OPHN1: variants seen among roughly 807,000 people sequenced by gnomAD.
The protein encoded by OPHN1 is oligophrenin-1.
OPHN1 carries 11 observed loss-of-function variants against 60.7 expected under a neutral mutation model. That is an observed-to-expected ratio of 0.18 (90% CI 0.11 to 0.30). The LOEUF (loss-of-function observed/expected upper bound fraction) is 0.30. Ranked by LOEUF, OPHN1 falls within the 10% of genes least tolerant of loss-of-function variation. OPHN1 has a pLI of 1.00. For synonymous variants in OPHN1, 226 were observed against 222.6 expected, an observed-to-expected ratio of 1.02 and a Z score of -0.14; for missense variants, 449 against 611.0, an observed-to-expected ratio of 0.73 and a Z score of 2.80.
At chrX:68,175,882 C>T (rs947706819) in intron 15 of OPHN1, among the ~76,000 whole-genome samples, 1 of 111,781 alleles carries the variant, frequency 8.9e-6, no homozygotes, top group African/African-American at 3.3e-5. Flanking sequence ...ACCTGCAGTC[C>T]GGTGGAATAG....
chrX:68,299,251 C>G (rs2078109393), intron 2 of OPHN1, among the ~76,000 whole-genome samples, 155 bp from the exon 3 acceptor site: 1 of 111,867 alleles, frequency 8.9e-6, no homozygotes, highest in Admixed American at 9.5e-5. Context: ...ATTAGATATG[C>G]AGTAGAAGAA....
intron 2 of OPHN1, among the ~76,000 whole-genome samples, chrX:68,313,838 A>G (rs1393036485): frequency 9.0e-6 from 1 of 111,599 alleles, no homozygotes; most frequent in Non-Finnish European, 1.9e-5. Flanking sequence ...AAAATAACTA[A>G]AAGAGTATAA....
chrX:68,348,089 G>A (rs937914083), intron 2 of OPHN1, among the ~76,000 whole-genome samples: 8 of 111,903 alleles, frequency 7.1e-5, no homozygotes, highest in Admixed American at 9.6e-5. Flanking sequence ...CCACCTATGT[G>A]TGGGGCACAT....
chrX:68,381,668 T>C (rs1182086440), intron 2 of OPHN1, among the ~76,000 whole-genome samples: 3 of 111,222 alleles, frequency 2.7e-5, no homozygotes, highest in African/African-American at 9.8e-5. Context: ...CACATTAATG[T>C]CTCCTTCTAC....
At chrX:68,147,896 A>G (rs1303295575) in intron 15 of OPHN1, among the ~76,000 whole-genome samples, 1 of 111,623 alleles carries the variant, frequency 9.0e-6, no homozygotes, top group African/African-American at 3.3e-5. Context: ...TCCTGTAATC[A>G]AGGATCTCTA....
chrX:68,298,936 A>C (rs2043217469), intron 3 of OPHN1, 65 bp downstream of exon 3: 1 of 706,142 alleles, frequency 1.4e-6, no homozygotes, highest in African/African-American at 2.1e-5. Flanking sequence ...TCCACAAATC[A>C]AAAAGACTAC....
At position 68,220,247 on chromosome X, in the gene OPHN1, T is replaced by C. The variant is rs200164086; in HGVS notation, c.487-6275A>G. On this transcript the variant is annotated intron_variant, in intron 6 of 24. Transcript: ENST00000355520. ...CTAAACCAGGAAGAAGTTGAATCTC[T>C]GAATAGACCAATAACAGGAGCTGAA... is the stretch of plus-strand genomic sequence containing the variant. Among the ~76,000 whole-genome samples, 72 of 104,285 alleles carry C rather than the reference T, an allele frequency of 6.9e-4. No individual in the cohort carries two copies. The East Asian group carries it at 0.019, about 27-fold the overall frequency. 90.6% of individuals were successfully genotyped at this position (104,285 alleles called of 115,157 possible). A position where few individuals can be genotyped will look rare whatever the true frequency, so the allele number is the denominator to read the frequency against.
chrX:68,345,147 C>T (rs1408344310), intron 2 of OPHN1, among the ~76,000 whole-genome samples: 2 of 112,218 alleles, frequency 1.8e-5, no homozygotes, highest in African/African-American at 3.2e-5. Context: ...AAGAAGCACT[C>T]GAAGTAGAAG....
chrX:68,130,088 G>T (rs1257531149), intron 15 of OPHN1, among the ~76,000 whole-genome samples: 3 of 111,413 alleles, frequency 2.7e-5, no homozygotes, highest in Admixed American at 9.5e-5. Flanking sequence ...CCTAAGTAAA[G>T]AAAATCCAAC....
chrX:68,159,707 A>G (rs2077325630), intron 15 of OPHN1, among the ~76,000 whole-genome samples: 1 of 111,805 alleles, frequency 8.9e-6, no homozygotes, highest in Non-Finnish European at 1.9e-5. Context: ...GCTCAGGAAA[A>G]TTTAACATCT....
At chrX:68,352,205 G>A (rs2078416932) in intron 2 of OPHN1, among the ~76,000 whole-genome samples, 1 of 109,712 alleles carries the variant, frequency 9.1e-6, no homozygotes, top group African/African-American at 3.3e-5. Context: ...TCCGCACCCA[G>A]AAGGTAAAAC....
At chrX:68,199,871 G>A (rs1311961249) in intron 11 of OPHN1, among the ~76,000 whole-genome samples, 1 of 112,363 alleles carries the variant, frequency 8.9e-6, no homozygotes, top group East Asian at 2.8e-4. Context: ...GTCAAGCCTG[G>A]CCAACATGGT....
intron 2 of OPHN1, among the ~76,000 whole-genome samples, chrX:68,357,597 G>A (rs770609931): frequency 1.8e-5 from 2 of 110,873 alleles, no homozygotes; most frequent in African/African-American, 6.6e-5. Flanking sequence ...ATTTTTTATG[G>A]CTGCATAGTA....
At chrX:68,182,849 T>C (rs1220898213) in intron 15 of OPHN1, among the ~76,000 whole-genome samples, 1 of 111,385 alleles carries the variant, frequency 9.0e-6, no homozygotes, top group Non-Finnish European at 1.9e-5. Context: ...GAGTCAGAGG[T>C]TGCAATGAGC....
At chrX:68,272,978 C>A (rs1042922322) in intron 5 of OPHN1, among the ~76,000 whole-genome samples, 2 of 111,918 alleles carry the variant, frequency 1.8e-5, no homozygotes, top group African/African-American at 6.5e-5. Context: ...TAATGAGACT[C>A]CAGTGAAACA....
intron 11 of OPHN1, among the ~76,000 whole-genome samples, chrX:68,200,186 T>TG (rs766134921): frequency 9.9e-4 from 109 of 110,549 alleles, no homozygotes; most frequent in South Asian, 2.3e-3. Flanking sequence ...ACTGGTAAAA[T>TG]GGGGGGGGTG....
At chrX:68,119,120 T>C (rs1419553180) in intron 16 of OPHN1, 128 bp downstream of exon 16, 14 of 503,401 alleles carry the variant, frequency 2.8e-5, no homozygotes, top group Non-Finnish European at 4.3e-5. Flanking sequence ...CCAGAAATCC[T>C]CTTCACATGT....
intron 15 of OPHN1, among the ~76,000 whole-genome samples, chrX:68,170,286 G>A (rs1486925987): frequency 2.9e-5 from 3 of 102,541 alleles, no homozygotes; most frequent in Non-Finnish European, 6.0e-5. Flanking sequence ...GAAACAACAG[G>A]TGCTGGAGAG....
At chrX:68,368,296 C>T (rs1467071531) in intron 2 of OPHN1, among the ~76,000 whole-genome samples, 1 of 111,148 alleles carries the variant, frequency 9.0e-6, no homozygotes, top group Non-Finnish European at 1.9e-5. Context: ...TTTGGGAGAC[C>T]GAGGCAGAAG....
Sources: gnomAD v4.1 joint callset for allele counts (sites outside exome capture counted in the v4.1 genomes callset) on GRCh38, gnomAD v4.1.1 for gene constraint, MANE v1.5 for transcripts, NCBI Gene and HGNC (gene_info 2026-07-23, HGNC 2026-07-21) for gene names.